Variants in CDK14 observed in about 807,000 individuals in gnomAD.
The protein encoded by CDK14 is cyclin-dependent kinase 14.
A neutral mutation model predicts 60.7 loss-of-function variants in CDK14; 34 were observed. That is an observed-to-expected ratio of 0.56 (90% CI 0.43 to 0.75). CDK14 has a LOEUF of 0.75. CDK14 is among the 30% of genes least tolerant of loss of function. CDK14 has a pLI of 0.00. For synonymous variants in CDK14, 197 were observed against 203.7 expected (o/e 0.97, Z 0.28); for missense variants, 482 against 564.1 (o/e 0.85, Z 1.47).
chr7:90,641,339 G>A (rs1310332172), intron 2 of CDK14, among the ~76,000 whole-genome samples: 1 of 152,056 alleles, frequency 6.6e-6, no homozygotes, highest in Non-Finnish European at 1.5e-5. Flanking sequence ...GGACAGAGCA[G>A]CATTGTTCAT....
chr7:91,162,568 T>G (rs1050258089), intron 14 of CDK14, among the ~76,000 whole-genome samples: 1 of 152,094 alleles, frequency 6.6e-6, no homozygotes, highest in Non-Finnish European at 1.5e-5. Flanking sequence ...GCATCTGTAG[T>G]GACAAAGAGC....
intron 3 of CDK14, among the ~76,000 whole-genome samples, chr7:90,727,419 T>G (rs1438578404): frequency 6.6e-6 from 1 of 152,142 alleles, no homozygotes; most frequent in Non-Finnish European, 1.5e-5. Context: ...AAACAGACTT[T>G]AGATATAACT....
At chr7:91,060,624 T>C (rs1320083796) in intron 11 of CDK14, among the ~76,000 whole-genome samples, 8 of 152,156 alleles carry the variant, frequency 5.3e-5, no homozygotes, top group Non-Finnish European at 1.0e-4. Context: ...GCATTTGCCT[T>C]TCTGTAAAGT....
intron 2 of CDK14, among the ~76,000 whole-genome samples, chr7:90,649,460 T>C (rs555984638): frequency 4.3e-4 from 63 of 147,356 alleles, no homozygotes; most frequent in Middle Eastern, 6.9e-3. Flanking sequence ...TCCTTCTTTA[T>C]TTCTCTTTCT....
intron 11 of CDK14, among the ~76,000 whole-genome samples, chr7:91,048,949 A>G (rs1214936612): frequency 6.6e-6 from 1 of 152,038 alleles, no homozygotes; most frequent in East Asian, 1.9e-4. Context: ...ATTACAACTC[A>G]CTGCAGCCTC....
intron 7 of CDK14, among the ~76,000 whole-genome samples, chr7:90,905,382 A>C (rs1245823203): frequency 6.6e-6 from 1 of 152,158 alleles, no homozygotes; most frequent in Admixed American, 6.6e-5. Flanking sequence ...AAACAAAAGA[A>C]CTAGATTATT....
At chr7:90,786,541 T>C (rs925009490) in intron 4 of CDK14, among the ~76,000 whole-genome samples, 11 of 152,220 alleles carry the variant, frequency 7.2e-5, no homozygotes, top group African/African-American at 2.7e-4. Flanking sequence ...CATACAGTAA[T>C]ATATCTTTTT....
chr7:90,956,263 G>A (rs1794406427), intron 9 of CDK14, among the ~76,000 whole-genome samples: 1 of 152,102 alleles, frequency 6.6e-6, no homozygotes, highest in African/African-American at 2.4e-5. Flanking sequence ...GAAAACTTCT[G>A]ACACTAGTTA....
chr7:90,897,088 T>C (rs1792360720), intron 6 of CDK14, among the ~76,000 whole-genome samples: 1 of 152,266 alleles, frequency 6.6e-6, no homozygotes, highest in East Asian at 1.9e-4. Context: ...GTTTCTTCTT[T>C]GATGTTTGTC....
At chr7:90,651,138 A>G (rs1800629317) in intron 2 of CDK14, among the ~76,000 whole-genome samples, 1 of 152,148 alleles carries the variant, frequency 6.6e-6, no homozygotes, top group Non-Finnish European at 1.5e-5. Context: ...TTCATTGAGC[A>G]GTGGTTTGTA....
intron 2 of CDK14, among the ~76,000 whole-genome samples, chr7:90,612,771 CAAAAAAAAAA>C (rs531162992): frequency 1.1e-5 from 1 of 91,746 alleles, no homozygotes; most frequent in African/African-American, 4.3e-5. Flanking sequence ...GACTCTGTCT[CAAAAAAAAAA>C]AAAAAAAAAA....
At chr7:90,735,125 G>T (rs1803037345) in intron 3 of CDK14, among the ~76,000 whole-genome samples, 1 of 152,144 alleles carries the variant, frequency 6.6e-6, no homozygotes, top group Admixed American at 6.5e-5. Flanking sequence ...GTTTGCCTGG[G>T]TATCACGAGC....
intron 6 of CDK14, among the ~76,000 whole-genome samples, chr7:90,890,634 G>T (rs1176146734): frequency 6.6e-6 from 1 of 152,216 alleles, no homozygotes; most frequent in Non-Finnish European, 1.5e-5. Context: ...ACAGGGAAAA[G>T]TGCAATTTCA....
At chr7:90,953,146 A>AT (rs1231702163) in intron 8 of CDK14, among the ~76,000 whole-genome samples, 1 of 151,432 alleles carries the variant, frequency 6.6e-6, no homozygotes, top group Non-Finnish European at 1.5e-5. Context: ...TAGGGTAAAA[A>AT]TTTTTTGTTC....
intron 2 of CDK14, among the ~76,000 whole-genome samples, chr7:90,705,965 A>T (rs1482561402): frequency 6.6e-6 from 1 of 152,076 alleles, no homozygotes; most frequent in Non-Finnish European, 1.5e-5. Flanking sequence ...AGTGCATACT[A>T]CTTTTTAGAA....
chr7:90,898,130 C>T (rs1562819022), intron 6 of CDK14, among the ~76,000 whole-genome samples: 2 of 152,088 alleles, frequency 1.3e-5, no homozygotes, highest in Admixed American at 1.3e-4. Context: ...CATTGGGTTT[C>T]CCCTGCTGTG....
In CDK14 at chr7:91,186,545, T is replaced by C. The variant is rs1338458649; in HGVS notation, c.*29-20620T>C. On this transcript the variant is annotated intron_variant, in intron 14 of 14. Transcript: ENST00000380050. ...CAATTGGCTCCTAATGGTTCACTTA[T>C]TGTTTATGTACAAATTACAAAAGCT... Among the ~76,000 whole-genome samples, 7 of 151,784 alleles carry C rather than the reference T, an allele frequency of 4.6e-5. No individual in the cohort carries two copies. The East Asian group carries it at 9.8e-4, about 21-fold the overall frequency.
chr7:91,100,370 T>G (rs1799116131), intron 12 of CDK14, among the ~76,000 whole-genome samples: 1 of 152,204 alleles, frequency 6.6e-6, no homozygotes, highest in African/African-American at 2.4e-5. Flanking sequence ...GTGGAAGCTC[T>G]GCAAAAGCAA....
chr7:91,042,753 T>C (rs1247136808), intron 10 of CDK14, among the ~76,000 whole-genome samples: 1 of 152,246 alleles, frequency 6.6e-6, no homozygotes, highest in African/African-American at 2.4e-5. Context: ...TTTTGTTTCA[T>C]TTGCAAAAGA....
Sources: gnomAD v4.1 joint callset for allele counts (sites outside exome capture counted in the v4.1 genomes callset) on GRCh38, gnomAD v4.1.1 for gene constraint, MANE v1.5 for transcripts, NCBI Gene and HGNC (gene_info 2026-07-23, HGNC 2026-07-21) for gene names.